Variants in UNC5D observed in about 807,000 individuals in gnomAD.
The protein encoded by UNC5D is netrin receptor UNC5D.
In UNC5D, 39 loss-of-function variants were observed where a neutral mutation model predicts 105.4. The observed-to-expected ratio is 0.37, with a 90% confidence interval of 0.29 to 0.48. UNC5D has a LOEUF of 0.48. Ranked by LOEUF, UNC5D falls within the 20% of genes least tolerant of loss-of-function variation. The pLI, the probability that UNC5D is intolerant of heterozygous loss-of-function variation, is 0.98. For synonymous variants in UNC5D, 452 were observed against 450.4 expected (o/e 1.00, Z -0.04); for missense variants, 991 against 1,202.4 (o/e 0.82, Z 2.60).
At chr8:35,642,396 T>C (rs1222364020) in intron 4 of UNC5D, among the ~76,000 whole-genome samples, 1 of 152,142 alleles carries the variant, frequency 6.6e-6, no homozygotes, top group East Asian at 1.9e-4. Flanking sequence ...TTCTTGAGGT[T>C]TTCAGGACTC....
At chr8:35,422,283 G>A (rs1331913883) in intron 1 of UNC5D, among the ~76,000 whole-genome samples, 10 of 152,302 alleles carry the variant, frequency 6.6e-5, no homozygotes, top group Middle Eastern at 3.4e-3. Context: ...TAATAAAAAC[G>A]TGTCATGCTT....
At chr8:35,600,453 C>G (rs1050413639) in intron 4 of UNC5D, among the ~76,000 whole-genome samples, 1 of 152,186 alleles carries the variant, frequency 6.6e-6, no homozygotes, top group African/African-American at 2.4e-5. Flanking sequence ...TCCACATCCT[C>G]TCCAGCACCT....
At chr8:35,656,857 T>A (rs1225309607) in intron 4 of UNC5D, among the ~76,000 whole-genome samples, 3 of 151,942 alleles carry the variant, frequency 2.0e-5, no homozygotes, top group Non-Finnish European at 4.4e-5. Context: ...CACATATGCC[T>A]TCTCAGTCTT....
At chr8:35,661,913 A>G (rs1824127704) in intron 4 of UNC5D, among the ~76,000 whole-genome samples, 1 of 152,120 alleles carries the variant, frequency 6.6e-6, no homozygotes, top group African/African-American at 2.4e-5. Context: ...TGTCCTGAGC[A>G]AGAGGGTACA....
At chr8:35,332,081 C>T in intron 1 of UNC5D, among the ~76,000 whole-genome samples, 1 of 152,196 alleles carries the variant, frequency 6.6e-6, no homozygotes, top group East Asian at 1.9e-4. Context: ...ACATTGACAT[C>T]TTCACATGTC....
chr8:35,717,918 C>T (rs558085394), intron 8 of UNC5D, among the ~76,000 whole-genome samples: 4 of 152,312 alleles, frequency 2.6e-5, no homozygotes, highest in African/African-American at 9.6e-5. Flanking sequence ...GCCAAATGAA[C>T]CCACAAACAT....
At chr8:35,709,300 TTAAG>T (rs1827791729) in intron 8 of UNC5D, among the ~76,000 whole-genome samples, 1 of 152,140 alleles carries the variant, frequency 6.6e-6, no homozygotes, top group African/African-American at 2.4e-5. Context: ...CTGAATGGTA[TTAAG>T]TGTTATGAAG....
intron 13 of UNC5D, among the ~76,000 whole-genome samples, chr8:35,752,120 G>A (rs1337651447): frequency 6.6e-6 from 1 of 152,198 alleles, no homozygotes; most frequent in African/African-American, 2.4e-5. Flanking sequence ...CTAGGGCAGA[G>A]ATGGTTCAAG....
At chr8:35,713,656 A>G (rs1321480925) in intron 8 of UNC5D, among the ~76,000 whole-genome samples, 1 of 152,222 alleles carries the variant, frequency 6.6e-6, no homozygotes, top group Non-Finnish European at 1.5e-5. Flanking sequence ...AAGGAGCTGT[A>G]AACATGTCTG....
intron 16 of UNC5D, among the ~76,000 whole-genome samples, chr8:35,779,690 A>C (rs1802415840): frequency 6.6e-6 from 1 of 152,142 alleles, no homozygotes; most frequent in East Asian, 1.9e-4. Context: ...TCCTGGCCTC[A>C]AGTAATCCGC....
chr8:35,500,324 A>C (rs1811881333), intron 1 of UNC5D, among the ~76,000 whole-genome samples: 1 of 152,176 alleles, frequency 6.6e-6, no homozygotes, highest in Non-Finnish European at 1.5e-5. Context: ...TTGCTTTTAT[A>C]GTAAAGCCAC....
chr8:35,689,012 A>G (rs1427267227), intron 7 of UNC5D, among the ~76,000 whole-genome samples: 1 of 152,234 alleles, frequency 6.6e-6, no homozygotes. Context: ...GGCCATGATT[A>G]TAAATTAGTA....
At chr8:35,253,712 A>G (rs1803880049) in intron 1 of UNC5D, among the ~76,000 whole-genome samples, 1 of 151,546 alleles carries the variant, frequency 6.6e-6, no homozygotes, top group Admixed American at 6.6e-5. Flanking sequence ...GATGATTTCG[A>G]TTTCCTGACC....
chr8:35,295,840 C>T (rs931191875), intron 1 of UNC5D, among the ~76,000 whole-genome samples: 76 of 152,298 alleles, frequency 5.0e-4, no homozygotes, highest in African/African-American at 1.7e-3. Context: ...TTCCTCCACT[C>T]CTCAGCCTCT....
chr8:35,753,172 A>G (rs929563707), intron 13 of UNC5D, among the ~76,000 whole-genome samples: 1 of 152,070 alleles, frequency 6.6e-6, no homozygotes, highest in Non-Finnish European at 1.5e-5. Context: ...ACCATTACCC[A>G]TTTCTGGTTG....
In UNC5D at chr8:35,646,796, G is replaced by C. The variant is rs548224250; in HGVS notation, c.571-36751G>C. Among the ~76,000 whole-genome samples, 8 of 152,122 alleles carry C rather than the reference G, an allele frequency of 5.3e-5. No individual in the cohort carries two copies. The East Asian group carries it at 1.5e-3, about 29-fold the overall frequency. ...AATATGTTTCCAGTGAAAAAGAGCA[G>C]TATTAATTTTGAAAGAATTTTAAAA... is the stretch of plus-strand genomic sequence containing the variant. On this transcript the variant is annotated intron_variant, in intron 4 of 16. Transcript: ENST00000404895.
At chr8:35,453,731 G>A (rs2128992910) in intron 1 of UNC5D, among the ~76,000 whole-genome samples, 1 of 152,030 alleles carries the variant, frequency 6.6e-6, no homozygotes, top group Admixed American at 6.6e-5. Flanking sequence ...ATCTCAAGGG[G>A]GTAGCATATT....
At chr8:35,498,084 C>CAAAAAAAAAAAAAAAAAAAAA (rs58175711) in intron 1 of UNC5D, among the ~76,000 whole-genome samples, 4 of 58,178 alleles carry the variant, frequency 6.9e-5, no homozygotes, top group Non-Finnish European at 9.4e-5. Flanking sequence ...CAAAACAAAA[C>CAAAAAAAAAAAAAAAAAAAAA]AAAAAAAAAA....
chr8:35,326,250 A>G (rs1454740765), intron 1 of UNC5D, among the ~76,000 whole-genome samples: 3 of 152,220 alleles, frequency 2.0e-5, no homozygotes, highest in Non-Finnish European at 2.9e-5. Context: ...TGGAAGTGTT[A>G]CCTGATCCTG....
Sources: gnomAD v4.1 joint callset for allele counts (sites outside exome capture counted in the v4.1 genomes callset) on GRCh38, gnomAD v4.1.1 for gene constraint, MANE v1.5 for transcripts, NCBI Gene and HGNC (gene_info 2026-07-23, HGNC 2026-07-21) for gene names.